NCAM2: variants seen among roughly 807,000 people sequenced by gnomAD.
NCAM2 encodes the protein N-CAM-2.
NCAM2 carries 30 observed loss-of-function variants against 98.1 expected under a neutral mutation model. The observed-to-expected ratio is 0.31, with a 90% confidence interval of 0.23 to 0.41. The LOEUF is 0.41. NCAM2 is among the 10% of genes least tolerant of loss of function. The pLI is 1.00. For synonymous variants in NCAM2, 368 were observed against 342.4 expected (o/e 1.07, Z -0.83); for missense variants, 867 against 1,005.8 (o/e 0.86, Z 1.87).
intron 1 of NCAM2, among the ~76,000 whole-genome samples, chr21:21,200,400 C>T (rs1305065904): frequency 1.7e-5 from 2 of 115,134 alleles, no homozygotes; most frequent in Non-Finnish European, 3.9e-5. Flanking sequence ...GTAAGACAAC[C>T]CCATGCCTGA....
At chr21:21,343,488 T>C (rs1395872658) in intron 8 of NCAM2, among the ~76,000 whole-genome samples, 1 of 151,736 alleles carries the variant, frequency 6.6e-6, no homozygotes, top group Non-Finnish European at 1.5e-5. Context: ...TAGAAAAAAA[T>C]AGTCCTGAAT....
Position 21,432,214 on chromosome 21 carries a change from C to T in NCAM2, c.1587C>T (p.His529=), listed in dbSNP as rs2077362762. The T allele has an allele frequency of 1.2e-6, 2 of 1,614,092 alleles. No individual in the cohort carries two copies. Among genetic ancestry groups the T allele is most frequent in the East Asian group, 4.5e-5 (2 of 44,860 alleles). The change falls in exon 12 of 18, where the codon CAC becomes CAT. Residue 529 remains histidine (H), a synonymous_variant. Coordinates refer to ENST00000400546, the MANE Select transcript of NCAM2 (RefSeq NM_004540.5). ...CCCATGGAGGTGTACCTATTCATCA[C>T]TATCAGGTGGATGTCAAAGAAGTAG... ...PDSHGGVPIH[H]YQVDVKEVAS... is the part of the protein sequence containing the mutation.
At chr21:21,291,579 T>C (rs1404359810) in intron 4 of NCAM2, among the ~76,000 whole-genome samples, 1 of 152,052 alleles carries the variant, frequency 6.6e-6, no homozygotes, top group African/African-American at 2.4e-5. Context: ...AAAAAATCCC[T>C]TGAATAAATT....
intron 16 of NCAM2, among the ~76,000 whole-genome samples, chr21:21,517,773 G>T (rs555477731): frequency 3.3e-5 from 5 of 152,148 alleles, no homozygotes; most frequent in African/African-American, 1.2e-4. Flanking sequence ...CAGGAGAATC[G>T]CTTGAACCTG....
intron 1 of NCAM2, among the ~76,000 whole-genome samples, chr21:21,209,241 G>A (rs2147071285): frequency 1.3e-5 from 2 of 152,086 alleles, no homozygotes; most frequent in East Asian, 3.9e-4. Flanking sequence ...TTACGAGATT[G>A]GTCTTGCTGT....
intron 9 of NCAM2, among the ~76,000 whole-genome samples, chr21:21,396,037 C>T (rs1471851430): frequency 1.3e-5 from 2 of 151,942 alleles, no homozygotes; most frequent in Middle Eastern, 6.8e-3. Context: ...TAAAAAATTT[C>T]TCTACAGAAA....
chr21:21,033,245 G>A (rs369219127), intron 1 of NCAM2, among the ~76,000 whole-genome samples: 1 of 152,144 alleles, frequency 6.6e-6, no homozygotes. Flanking sequence ...CACTGCACCT[G>A]GCCGGTTTCT....
chr21:21,513,736 T>C (rs1183572072), intron 16 of NCAM2, among the ~76,000 whole-genome samples: 2 of 152,074 alleles, frequency 1.3e-5, no homozygotes, highest in African/African-American at 4.8e-5. Flanking sequence ...ATTTTAGGAC[T>C]TATGTTTCTC....
intron 12 of NCAM2, among the ~76,000 whole-genome samples, chr21:21,466,259 A>G (rs1316033580): frequency 6.6e-6 from 1 of 152,022 alleles, no homozygotes; most frequent in Non-Finnish European, 1.5e-5. Context: ...TCTACTTGAG[A>G]CACATACAGA....
chr21:21,222,976 G>A (rs555116589), intron 1 of NCAM2, among the ~76,000 whole-genome samples: 78 of 152,230 alleles, frequency 5.1e-4, no homozygotes, highest in African/African-American at 1.7e-3. Context: ...ACCACTCTCT[G>A]ATCAGTCTGC....
At chr21:21,041,709 C>T (rs2064907979) in intron 1 of NCAM2, among the ~76,000 whole-genome samples, 1 of 152,124 alleles carries the variant, frequency 6.6e-6, no homozygotes, top group South Asian at 2.1e-4. Context: ...TTTGACTTTG[C>T]TTCAGGGAAA....
At chr21:21,404,530 C>T (rs746442013) in intron 9 of NCAM2, among the ~76,000 whole-genome samples, 3 of 152,018 alleles carry the variant, frequency 2.0e-5, no homozygotes, top group Admixed American at 2.0e-4. Flanking sequence ...AGTGAAACTG[C>T]GAGTTTATGA....
At chr21:21,505,832 G>A (rs1408615432) in intron 15 of NCAM2, among the ~76,000 whole-genome samples, 3 of 151,898 alleles carry the variant, frequency 2.0e-5, no homozygotes, top group African/African-American at 7.2e-5. Flanking sequence ...AGTGCTGGAG[G>A]TTAAGTACAT....
At chr21:21,096,806 T>C (rs941307286) in intron 1 of NCAM2, among the ~76,000 whole-genome samples, 1 of 151,630 alleles carries the variant, frequency 6.6e-6, no homozygotes, top group Non-Finnish European at 1.5e-5. Flanking sequence ...TATTTGCAAG[T>C]GTTTATTTAA....
At chr21:21,284,433 C>G (rs1243677571) in intron 3 of NCAM2, 33 bp downstream of exon 3, 1 of 1,506,356 alleles carries the variant, frequency 6.6e-7, no homozygotes, top group Non-Finnish European at 9.2e-7. Flanking sequence ...TTAGTTTATT[C>G]AATTTCAGTT....
At chr21:21,451,928 A>C (rs761479496) in intron 12 of NCAM2, among the ~76,000 whole-genome samples, 2 of 151,852 alleles carry the variant, frequency 1.3e-5, no homozygotes, top group African/African-American at 2.4e-5. Flanking sequence ...TTCCCCATCT[A>C]TTGGTTGGGC....
chr21:21,065,292 C>A (rs1018906954), intron 1 of NCAM2, among the ~76,000 whole-genome samples: 1 of 152,124 alleles, frequency 6.6e-6, no homozygotes, highest in Non-Finnish European at 1.5e-5. Flanking sequence ...TTCCTTTAAT[C>A]CCATTTAACA....
chr21:21,365,969 C>T (rs2075775199), intron 8 of NCAM2, among the ~76,000 whole-genome samples: 2 of 16,998 alleles, frequency 1.2e-4, no homozygotes, highest in African/African-American at 4.7e-4. Flanking sequence ...TACTGTTTCC[C>T]GTTTTAGGCA....
chr21:21,164,206 G>A (rs1412209478), intron 1 of NCAM2, among the ~76,000 whole-genome samples: 1 of 152,162 alleles, frequency 6.6e-6, no homozygotes, highest in Non-Finnish European at 1.5e-5. Flanking sequence ...TTACAGAATT[G>A]AAATATTTGC....
Sources: allele counts gnomAD v4.1 joint callset (sites outside exome capture counted in the v4.1 genomes callset), GRCh38; gene constraint gnomAD v4.1.1; transcripts MANE v1.5; gene names NCBI Gene and HGNC (gene_info 2026-07-23, HGNC 2026-07-21).